The following PTPRB variants were observed in gnomAD, a reference collection of about 807,000 sequenced individuals.
The protein encoded by PTPRB is receptor-type tyrosine-protein phosphatase beta.
Under a neutral mutation model 238.1 loss-of-function variants are expected in PTPRB, and 97 were observed. That is an observed-to-expected ratio of 0.41 (90% confidence interval 0.35 to 0.48). PTPRB has a LOEUF of 0.48. PTPRB is among the 20% of genes least tolerant of loss of function. The pLI, the probability that PTPRB is intolerant of heterozygous loss-of-function variation, is 0.30. For missense variants in PTPRB, 2,292 were observed against 2,681.9 expected (o/e 0.85, Z 3.21); for synonymous variants, 970 against 995.4 (o/e 0.97, Z 0.48).
Position 70,609,269 on chromosome 12 carries a change from G to C in PTPRB, c.779C>G (p.Ser260Cys). ...AESKASSHSV[S>C]IQWRILGSPC... ...TGAGCCCAAAATTCTCCACTGGATAGACACAGAATGGCTGGAGGCCTTGGA... is the reference window on the plus strand; with the variant it reads ...TGAGCCCAAAATTCTCCACTGGATACACACAGAATGGCTGGAGGCCTTGGA... Residue 260 changes from serine to cysteine, a missense_variant, in exon 4 of 34, where the codon TCT (serine) becomes TGT (cysteine). Around this residue, in one of 4 missense-constraint regions of PTPRB, gnomAD observed 1,205 missense variants for 1,287.8 expected, o/e 0.94. Transcript: ENST00000334414. 1.9e-6 allele frequency: 3 copies of C among 1,614,060 alleles called. No individual in the cohort carries two copies. The highest frequency in any genetic ancestry group is 2.5e-6 in the Non-Finnish European group (3 of 1,179,904).
At chr12:70,588,095 CA>C (rs10558140) in intron 8 of PTPRB, among the ~76,000 whole-genome samples, 41,768 of 103,964 alleles carry the variant, frequency 0.4, 5,575 homozygotes, top group East Asian at 0.52. Context: ...GACTCTGTCT[CA>C]AAAAAAAAAA....
Position 70,519,180 on chromosome 12 carries a change from C to T in PTPRB, c.*2309G>A, listed in dbSNP as rs1871419809. The T allele has an allele frequency of 6.6e-6, 1 of 152,088 alleles. No homozygotes were observed. Among genetic ancestry groups the T allele is most frequent in the Non-Finnish European group, 1.5e-5 (1 of 68,030 alleles). 9.4% of individuals were successfully genotyped at this position (152,088 alleles called of 1,614,324 possible). A position where few individuals can be genotyped will look rare whatever the true frequency, so the allele number is the denominator to read the frequency against. ...CCCTGTCATGTCCATTTACATAATT[C>T]TGATACTACCCTAGATGTTGCCAGA... On this transcript the variant is annotated 3_prime_UTR_variant, in exon 34 of 34. Coordinates refer to ENST00000334414, the MANE Select transcript of PTPRB (RefSeq NM_001109754.4).
rs1871560250 is a variant in PTPRB, at chr12:70,520,655, C to G, written c.*834G>C. On this transcript the variant is annotated 3_prime_UTR_variant, in exon 34 of 34. Transcript: ENST00000334414. ...GGGTGTGGATGTTCACACTCCACAC[C>G]ATGAATGCAATGAAAGGATCTCTAA... 6.4e-6 allele frequency: 1 copy of G among 155,070 alleles called. No homozygotes were observed. Among genetic ancestry groups the G allele is most frequent in the Admixed American group, 6.5e-5 (1 of 15,486 alleles). The allele number at this position is 155,070 out of a possible 1,614,324, so 9.6% of individuals were successfully genotyped here.
chr12:70,524,416 G>A, intron 33 of PTPRB, 55 bp downstream of exon 33: 1 of 1,529,308 alleles, frequency 6.5e-7, no homozygotes, highest in South Asian at 1.2e-5. Context: ...TGCCTGGCCA[G>A]ATTGACCATA....
Position 70,596,053 on chromosome 12 carries a change from T to C in PTPRB, c.1254A>G (p.Ser418=). 1.3e-6 allele frequency: 2 copies of C among 1,597,690 alleles called. No individual in the cohort carries two copies. The highest frequency in any genetic ancestry group is 1.7e-6 in the Non-Finnish European group (2 of 1,169,386). Residue 418 remains serine, a synonymous_variant, in exon 5 of 34, where the codon TCA becomes TCG. Coordinates refer to ENST00000334414, the MANE Select transcript of PTPRB (RefSeq NM_001109754.4). ...KRSFSVYTNG[S]TVPSPVKDIG... ...TATAAAATAAACAGGTCTTACCTGT[T>C]GATCCATTGGTATAAACTGAAAAAG...
In PTPRB at chr12:70,569,881, G is replaced by T; in HGVS notation, c.3428C>A (p.Thr1143Lys). Reference sequence around the variant, plus strand: ...TCCCCCACCAGGAGTCCAGTTCACCGTCAGGCTATCTGTTGCTCCATTGGG... The same window carrying T: ...TCCCCCACCAGGAGTCCAGTTCACCTTCAGGCTATCTGTTGCTCCATTGGG... ...ISPNGATDSL[T>K]VNWTPGGGDV... The change falls in exon 14 of 34, where the codon ACG (threonine) becomes AAG (lysine). Residue 1143 changes from threonine to lysine, a missense_variant. Thr to Lys is a moderately conservative substitution (Grantham distance 78). This residue lies in a region of PTPRB where 683 missense variants were observed against 862.0 expected (regional missense o/e 0.79). Transcript: ENST00000334414. 1 of 1,613,338 alleles carries T rather than the reference G, an allele frequency of 6.2e-7. No homozygotes were observed. Among genetic ancestry groups the T allele is most frequent in the Non-Finnish European group, 8.5e-7 (1 of 1,179,304 alleles).
chr12:70,623,934 G>T (rs1885059477), intron 2 of PTPRB, among the ~76,000 whole-genome samples: 1 of 152,004 alleles, frequency 6.6e-6, no homozygotes, highest in Non-Finnish European at 1.5e-5. Flanking sequence ...TAAAGAGGAG[G>T]GCGATGAGGG....
chr12:70,630,705 C>T (rs1452893169), intron 2 of PTPRB, among the ~76,000 whole-genome samples: 2 of 152,120 alleles, frequency 1.3e-5, no homozygotes, highest in African/African-American at 2.4e-5. Flanking sequence ...TTTTGGATCT[C>T]CTTAAGCTGT....
Position 70,555,982 on chromosome 12 carries a change from C to A in PTPRB, c.4881G>T (p.Leu1627=). The A allele has an allele frequency of 1.2e-6, 2 of 1,613,948 alleles. No individual in the cohort carries two copies. The stretch of plus-strand genomic sequence containing the variant: ...GGGGCACTAGCATCATGATGTTGAG[C>A]AGAGATTTTTCTTTCTCCAGCTTTC... ...FSRKLEKEKS[L]LNIMMLVPHK... Residue 1627 remains leucine, a synonymous_variant, in exon 19 of 34, where the codon CTG becomes CTT. Transcript: ENST00000334414.
Position 70,581,256 on chromosome 12 carries a change from G to C in PTPRB, c.2358C>G (p.Thr786=), listed in dbSNP as rs1199390575. 6.2e-7 allele frequency: 1 copy of C among 1,613,876 alleles called. No individual in the cohort carries two copies. Among genetic ancestry groups the C allele is most frequent in the Admixed American group, 1.7e-5 (1 of 60,022 alleles). Residue 786 remains threonine (T), a synonymous_variant, in exon 10 of 34, where the codon ACC becomes ACG. Coordinates refer to ENST00000334414, the MANE Select transcript of PTPRB (RefSeq NM_001109754.4). The part of the protein sequence containing the change: ...TDLHVANQGM[T]SSLFTNWTQA... Reference sequence around the variant, plus strand: ...GGGTCCAGTTAGTAAACAGACTACTGGTCATTCCTTGGTTGGCCACATGCA... The same window carrying C: ...GGGTCCAGTTAGTAAACAGACTACTCGTCATTCCTTGGTTGGCCACATGCA...
At chr12:70,586,872 C>T in intron 9 of PTPRB, 135 bp downstream of exon 9, 2 of 865,994 alleles carry the variant, frequency 2.3e-6, no homozygotes, top group South Asian at 3.8e-5. Flanking sequence ...AAATAGAAAA[C>T]AAACACAATA....
intron 11 of PTPRB, among the ~76,000 whole-genome samples, chr12:70,575,373 A>T (rs1880568006): frequency 6.6e-6 from 1 of 152,210 alleles, no homozygotes; most frequent in South Asian, 2.1e-4. Context: ...AACCATAAGA[A>T]TCTGATAAAA....
intron 21 of PTPRB, among the ~76,000 whole-genome samples, chr12:70,547,087 T>C (rs1857162513): frequency 1.3e-5 from 2 of 152,022 alleles, no homozygotes; most frequent in African/African-American, 4.8e-5. Flanking sequence ...GTGATAATGC[T>C]GAAGCGGTAC....
At chr12:70,588,564 CA>C (rs1277107694) in intron 8 of PTPRB, among the ~76,000 whole-genome samples, 5 of 151,856 alleles carry the variant, frequency 3.3e-5, no homozygotes, top group Non-Finnish European at 1.5e-5. Context: ...ACCTGGGAGG[CA>C]GAGGTTGCAG....
intron 21 of PTPRB, among the ~76,000 whole-genome samples, chr12:70,550,131 A>G (rs1876663021): frequency 6.6e-6 from 1 of 152,212 alleles, no homozygotes; most frequent in South Asian, 2.1e-4. Flanking sequence ...GGGGACGTGG[A>G]CATGGGGCTG....
chr12:70,526,689 T>G (rs1401648718), intron 32 of PTPRB, among the ~76,000 whole-genome samples: 1 of 152,246 alleles, frequency 6.6e-6, no homozygotes, highest in Non-Finnish European at 1.5e-5. Flanking sequence ...AGTCTCTTTT[T>G]GCTACCTTAA....
chr12:70,580,448 A>C (rs1881254611), intron 10 of PTPRB, among the ~76,000 whole-genome samples: 1 of 152,234 alleles, frequency 6.6e-6, no homozygotes, highest in Admixed American at 6.5e-5. Flanking sequence ...TGGAACATAA[A>C]CATTTCAAAG....
chr12:70,539,006 T>G lies in PTPRB; in HGVS notation c.5787A>C (p.Lys1929Asn). 1 of 1,613,284 alleles carries G rather than the reference T, an allele frequency of 6.2e-7. No homozygotes were observed. Among genetic ancestry groups the G allele is most frequent in the Non-Finnish European group, 8.5e-7 (1 of 1,179,434 alleles). ...CACATGACTGGTTTCGGCCCACGTCTTTTAACTCCTGTTAGGTCAAATATG... is the reference window on the plus strand; with the variant it reads ...CACATGACTGGTTTCGGCCCACGTCGTTTAACTCCTGTTAGGTCAAATATG... ...YLLSKEYEEL[K>N]DVGRNQSCDI... The change falls in exon 27 of 34, where the codon AAA (lysine) becomes AAC (asparagine). Residue 1929 changes from lysine to asparagine, a missense_variant. Transcript: ENST00000334414.
intron 28 of PTPRB, among the ~76,000 whole-genome samples, chr12:70,536,426 A>G (rs986961952): frequency 6.6e-6 from 1 of 152,144 alleles, no homozygotes; most frequent in Non-Finnish European, 1.5e-5. Flanking sequence ...AAAACACTTC[A>G]CCCTCAATTA....
Sources: allele counts gnomAD v4.1 joint callset (sites outside exome capture counted in the v4.1 genomes callset), GRCh38; gene constraint gnomAD v4.1.1; regional missense constraint gnomAD v4.1.1; transcripts MANE v1.5; gene names NCBI Gene and HGNC (gene_info 2026-07-23, HGNC 2026-07-21).